Variants in RELN observed in about 807,000 individuals in gnomAD.
RELN encodes reelin.
Under a neutral mutation model 427.6 loss-of-function variants are expected in RELN, and 108 were observed. That is an observed-to-expected ratio of 0.25 (90% CI 0.22 to 0.30). RELN has a LOEUF of 0.30. RELN is among the 10% of genes least tolerant of loss of function. The probability of loss-of-function intolerance (pLI) is 1.00; values close to 1 mark genes in which losing one functional copy is unlikely to be tolerated. For synonymous variants in RELN, 1,524 were observed against 1,513.4 expected, an observed-to-expected ratio of 1.01 and a Z score of -0.16; for missense variants, 3,715 against 4,302.8, an observed-to-expected ratio of 0.86 and a Z score of 3.82.
chr7:103,588,848 T>C (rs556266310), intron 28 of RELN, among the ~76,000 whole-genome samples: 5 of 152,336 alleles, frequency 3.3e-5, no homozygotes, highest in African/African-American at 1.2e-4. Flanking sequence ...ACAGGACTTC[T>C]GCACTTCCCA....
At chr7:103,648,971 T>C (rs1327451689) in intron 16 of RELN, among the ~76,000 whole-genome samples, 2 of 151,910 alleles carry the variant, frequency 1.3e-5, no homozygotes, top group Admixed American at 1.3e-4. Flanking sequence ...AAAAGGAAAC[T>C]CTTAGACACT....
intron 50 of RELN, 125 bp downstream of exon 50, chr7:103,515,060 C>A (rs1829525986): frequency 2.5e-6 from 3 of 1,206,170 alleles, no homozygotes; most frequent in Admixed American, 1.9e-5. Flanking sequence ...GGATGACACC[C>A]TTTTCAGCGT....
chr7:103,827,164 G>A (rs541009954), intron 3 of RELN, among the ~76,000 whole-genome samples: 154 of 151,934 alleles, frequency 1.0e-3, no homozygotes, highest in African/African-American at 3.2e-3. Flanking sequence ...TTGGACTGTC[G>A]TTAAAAAATA....
intron 8 of RELN, among the ~76,000 whole-genome samples, chr7:103,716,112 G>T (rs1272687361): frequency 6.6e-6 from 1 of 152,118 alleles, no homozygotes; most frequent in Non-Finnish European, 1.5e-5. Context: ...CTTCCTACAG[G>T]GTGCCATTCC....
rs362810 is a variant in RELN, at chr7:103,572,170, A to G, written c.4588+14T>C. ...AATAGTAACTGTAATTTCCATGGAA[A>G]TACAGCAGCTTACCTTCATTTCTAG... On this transcript the variant is annotated intron_variant, in intron 31 of 64. Transcript: ENST00000428762. 23,540 of 1,492,110 alleles carry G rather than the reference A, an allele frequency of 0.016. 629 individuals carry two copies. The highest frequency in any genetic ancestry group is 0.12 in the African/African-American group (8,495 of 72,284). 92.4% of individuals were successfully genotyped at this position (1,492,110 alleles called of 1,614,324 possible). A position where few individuals can be genotyped will look rare whatever the true frequency, so the allele number is the denominator to read the frequency against.
chr7:103,793,145 T>C (rs1268311447), intron 3 of RELN, among the ~76,000 whole-genome samples: 1 of 152,098 alleles, frequency 6.6e-6, no homozygotes, highest in Admixed American at 6.5e-5. Flanking sequence ...AGGGAGAGAA[T>C]AATTTTTCTT....
At chr7:103,551,951 G>GTA (rs1830422220) in intron 40 of RELN, among the ~76,000 whole-genome samples, 9 of 152,014 alleles carry the variant, frequency 5.9e-5, no homozygotes, top group Admixed American at 5.9e-4. Context: ...GTGTGTGTGT[G>GTA]TGTGTGTGGT....
At chr7:103,585,363 A>C (rs933489681) in intron 28 of RELN, among the ~76,000 whole-genome samples, 1 of 152,180 alleles carries the variant, frequency 6.6e-6, no homozygotes, top group Admixed American at 6.5e-5. Context: ...AGAAATAATA[A>C]AGGTGACATT....
intron 3 of RELN, among the ~76,000 whole-genome samples, chr7:103,789,470 C>A (rs767890772): frequency 6.6e-6 from 1 of 151,994 alleles, no homozygotes; most frequent in Non-Finnish European, 1.5e-5. Flanking sequence ...CCAGAATATA[C>A]AAGGAACTTA....
intron 2 of RELN, among the ~76,000 whole-genome samples, chr7:103,834,163 A>G (rs1793344812): frequency 6.6e-6 from 1 of 152,214 alleles, no homozygotes; most frequent in Non-Finnish European, 1.5e-5. Flanking sequence ...TTTCAAGAAA[A>G]GGTCCTTTGC....
At chr7:103,549,367 C>G (rs555841614) in intron 41 of RELN, among the ~76,000 whole-genome samples, 5 of 152,304 alleles carry the variant, frequency 3.3e-5, no homozygotes, top group African/African-American at 1.2e-4. Flanking sequence ...TATAAGGGCA[C>G]TGATGCCAAT....
chr7:103,925,801 G>A (rs950881935), intron 1 of RELN, among the ~76,000 whole-genome samples: 7 of 152,132 alleles, frequency 4.6e-5, no homozygotes, highest in Non-Finnish European at 1.0e-4. Context: ...TTTCTAGGTT[G>A]AGAAGAATAA....
chr7:103,852,008 C>G (rs1793833850), intron 2 of RELN, among the ~76,000 whole-genome samples: 1 of 152,156 alleles, frequency 6.6e-6, no homozygotes, highest in Non-Finnish European at 1.5e-5. Flanking sequence ...GTATAAAGGA[C>G]TACTATGTAA....
chr7:103,503,561 T>C (rs1829106801), intron 51 of RELN, among the ~76,000 whole-genome samples: 1 of 152,256 alleles, frequency 6.6e-6, no homozygotes, highest in African/African-American at 2.4e-5. Flanking sequence ...GCATTTCTAT[T>C]TGGCAGAATA....
At chr7:103,876,121 T>G (rs1794472354) in intron 2 of RELN, among the ~76,000 whole-genome samples, 1 of 152,214 alleles carries the variant, frequency 6.6e-6, no homozygotes, top group Non-Finnish European at 1.5e-5. Context: ...GTTTCTGTCT[T>G]TCACTTTCTC....
At chr7:103,928,413 C>A (rs1795791301) in intron 1 of RELN, among the ~76,000 whole-genome samples, 1 of 152,176 alleles carries the variant, frequency 6.6e-6, no homozygotes, top group Non-Finnish European at 1.5e-5. Flanking sequence ...CAAATGGATT[C>A]TGTTTCTGTA....
chr7:103,766,181 T>G (rs1019648276), intron 4 of RELN, among the ~76,000 whole-genome samples: 2 of 152,308 alleles, frequency 1.3e-5, no homozygotes, highest in Non-Finnish European at 2.9e-5. Context: ...CTTAATTCAG[T>G]TGTCTTTGTT....
At chr7:103,961,980 G>T (rs114700951) in intron 1 of RELN, among the ~76,000 whole-genome samples, 32 of 152,242 alleles carry the variant, frequency 2.1e-4, no homozygotes, top group African/African-American at 7.5e-4. Context: ...AAAAGTTTTA[G>T]GGGTGAGGGG....
At chr7:103,920,110 C>T (rs545161010) in intron 1 of RELN, among the ~76,000 whole-genome samples, 24 of 152,172 alleles carry the variant, frequency 1.6e-4, no homozygotes, top group African/African-American at 5.8e-4. Flanking sequence ...ATTCCCACTA[C>T]AGACATTTTT....
Sources: gnomAD v4.1 joint callset for allele counts (sites outside exome capture counted in the v4.1 genomes callset) on GRCh38, gnomAD v4.1.1 for gene constraint, MANE v1.5 for transcripts, NCBI Gene and HGNC (gene_info 2026-07-23, HGNC 2026-07-21) for gene names.